The following NKAIN3 variants were observed in gnomAD, a reference collection of about 807,000 sequenced individuals.
NKAIN3 encodes the protein sodium/potassium transporting ATPase interacting 3, also known as sodium/potassium-transporting ATPase subunit beta-1-interacting protein 3.
In NKAIN3, 25 loss-of-function variants were observed where a neutral mutation model predicts 30.2. The observed-to-expected ratio is 0.83, with a 90% CI of 0.60 to 1.16. NKAIN3 has a LOEUF of 1.16. Ranked by LOEUF, NKAIN3 falls within the 50% of genes most tolerant of loss-of-function variation. The pLI is 0.00. For missense variants in NKAIN3, 225 were observed against 254.1 expected (o/e 0.89, Z 0.78); for synonymous variants, 91 against 89.6 (o/e 1.02, Z -0.09).
chr8:62,836,072 G>A (rs192356263), intron 4 of NKAIN3, among the ~76,000 whole-genome samples: 5 of 152,014 alleles, frequency 3.3e-5, no homozygotes, highest in Admixed American at 1.3e-4. Flanking sequence ...TATCCTAAGC[G>A]AATTAAGACT....
chr8:62,600,797 T>A (rs974516933), intron 3 of NKAIN3, among the ~76,000 whole-genome samples: 42 of 152,032 alleles, frequency 2.8e-4, no homozygotes, highest in African/African-American at 1.0e-3. Context: ...TTCATGAGGG[T>A]CCTCTTTTTA....
chr8:62,804,381 C>T (rs1008305735), intron 4 of NKAIN3, among the ~76,000 whole-genome samples: 1 of 152,168 alleles, frequency 6.6e-6, no homozygotes, highest in Non-Finnish European at 1.5e-5. Context: ...CCTTGATGAA[C>T]ATTGATGCAA....
Position 62,861,347 on chromosome 8 carries a change from G to A in NKAIN3, c.472-57106G>A, listed in dbSNP as rs151123415. Among the ~76,000 whole-genome samples the A allele has an allele frequency of 8.9e-3, 1,362 of 152,268 alleles. 16 individuals carry two copies. Among genetic ancestry groups the A allele is most frequent in the Middle Eastern group, 0.014 (4 of 294 alleles). On this transcript the variant is annotated intron_variant, in intron 4 of 6. Transcript: ENST00000623646. ...AAGACAATCTCAATTTTTTATCAAT[G>A]CCTCAAAAGCTTCCAGACCCACAAA...
intron 4 of NKAIN3, among the ~76,000 whole-genome samples, chr8:62,767,275 G>T (rs1197262070): frequency 6.6e-6 from 1 of 152,134 alleles, no homozygotes; most frequent in African/African-American, 2.4e-5. Context: ...ATAGTCATAT[G>T]AGATAAACTG....
chr8:62,303,637 G>C (rs1011259110), intron 1 of NKAIN3, among the ~76,000 whole-genome samples: 1 of 150,374 alleles, frequency 6.7e-6, no homozygotes, highest in Non-Finnish European at 1.5e-5. Context: ...AGTTGGATAT[G>C]ATACATTTTA....
intron 1 of NKAIN3, among the ~76,000 whole-genome samples, chr8:62,520,028 GAAAC>G (rs1052647109): frequency 3.1e-4 from 47 of 152,108 alleles, no homozygotes; most frequent in African/African-American, 1.1e-3. Flanking sequence ...CACAAAATCT[GAAAC>G]AAACAAGACA....
At chr8:62,703,456 A>C (rs1814409831) in intron 3 of NKAIN3, among the ~76,000 whole-genome samples, 3 of 152,326 alleles carry the variant, frequency 2.0e-5, no homozygotes, top group Non-Finnish European at 2.9e-5. Context: ...CCTAAAAAAA[A>C]CTCAAAACAT....
At chr8:62,653,626 A>G (rs1182580192) in intron 3 of NKAIN3, among the ~76,000 whole-genome samples, 1 of 152,184 alleles carries the variant, frequency 6.6e-6, no homozygotes, top group Non-Finnish European at 1.5e-5. Context: ...AGTGTCCTGA[A>G]AGGAACAAGG....
intron 1 of NKAIN3, among the ~76,000 whole-genome samples, chr8:62,312,845 T>C (rs1201293699): frequency 2.0e-5 from 3 of 150,638 alleles, no homozygotes. Context: ...AATGCTGTGA[T>C]GGAGATGTGG....
chr8:62,314,153 A>G (rs556533674), intron 1 of NKAIN3, among the ~76,000 whole-genome samples: 1 of 152,302 alleles, frequency 6.6e-6, no homozygotes. Flanking sequence ...AAAATTTTAA[A>G]TATTCCATAA....
intron 5 of NKAIN3, among the ~76,000 whole-genome samples, chr8:62,997,471 A>G (rs1007871665): frequency 2.0e-5 from 3 of 152,210 alleles, no homozygotes; most frequent in Admixed American, 6.5e-5. Flanking sequence ...AGGCACTTAA[A>G]TAAAAGTGAT....
Position 62,972,340 on chromosome 8 carries a change from A to C in NKAIN3, c.*6933A>C, listed in dbSNP as rs1348902778. ...AAAAAATATACAAGTGAGGGAATTA[A>C]TAAAATTTTTTGTAATTATAAATAT... is the stretch of plus-strand genomic sequence containing the variant. On this transcript the variant is annotated 3_prime_UTR_variant, in exon 7 of 7. Coordinates refer to ENST00000623646, the MANE Select transcript of NKAIN3 (RefSeq NM_001304533.3). Among the ~76,000 whole-genome samples the C allele has an allele frequency of 6.6e-6, 1 of 152,178 alleles. No individual in the cohort carries two copies. The highest frequency in any genetic ancestry group is 1.5e-5 in the Non-Finnish European group (1 of 68,034).
At chr8:62,578,047 A>T (rs1282257532) in intron 1 of NKAIN3, among the ~76,000 whole-genome samples, 1 of 152,126 alleles carries the variant, frequency 6.6e-6, no homozygotes, top group Non-Finnish European at 1.5e-5. Flanking sequence ...TTCATTTCAA[A>T]GCTGCAGTTT....
chr8:62,602,822 A>G (rs554777562), intron 3 of NKAIN3, among the ~76,000 whole-genome samples: 6 of 152,220 alleles, frequency 3.9e-5, no homozygotes, highest in Non-Finnish European at 7.4e-5. Flanking sequence ...TCTTCCACTA[A>G]CTTCAATAAG....
At chr8:62,441,024 C>T (rs1805308913) in intron 1 of NKAIN3, among the ~76,000 whole-genome samples, 1 of 152,236 alleles carries the variant, frequency 6.6e-6, no homozygotes, top group South Asian at 2.1e-4. Flanking sequence ...GCTACTTAAT[C>T]AACATTCACC....
At chr8:62,808,363 T>A (rs1285667286) in intron 4 of NKAIN3, among the ~76,000 whole-genome samples, 1 of 152,238 alleles carries the variant, frequency 6.6e-6, no homozygotes, top group Non-Finnish European at 1.5e-5. Flanking sequence ...TCAATAGTTA[T>A]TCTAGTGTAA....
intron 1 of NKAIN3, among the ~76,000 whole-genome samples, chr8:62,515,078 A>G (rs1807943252): frequency 1.3e-5 from 2 of 152,140 alleles, no homozygotes; most frequent in Non-Finnish European, 2.9e-5. Context: ...CATCATAATC[A>G]AGAATATCTC....
chr8:62,909,593 C>T (rs1821875657), intron 4 of NKAIN3, among the ~76,000 whole-genome samples: 1 of 152,054 alleles, frequency 6.6e-6, no homozygotes, highest in South Asian at 2.1e-4. Context: ...AAATCAAGAA[C>T]TACACAACAG....
In NKAIN3 at chr8:62,839,446, C is replaced by T. The variant is rs192720928; in HGVS notation, c.472-79007C>T. On this transcript the variant is annotated intron_variant, in intron 4 of 6. Coordinates refer to ENST00000623646, the MANE Select transcript of NKAIN3 (RefSeq NM_001304533.3). ...AAACAAAACATACCCGTATTTGAAG[C>T]GGCATTATTTTAGCTTTTTGAAATG... is the stretch of plus-strand genomic sequence containing the variant. 8.6e-5 allele frequency among the ~76,000 whole-genome samples: 13 copies of T among 151,948 alleles called. No individual in the cohort carries two copies. In the East Asian group the frequency reaches 9.7e-4, roughly 11 times the overall value.
Sources: allele counts gnomAD v4.1 joint callset (sites outside exome capture counted in the v4.1 genomes callset), GRCh38; gene constraint gnomAD v4.1.1; transcripts MANE v1.5; gene names NCBI Gene and HGNC (gene_info 2026-07-23, HGNC 2026-07-21).